The following PRKN variants were observed in gnomAD, a reference collection of about 807,000 sequenced individuals.
PRKN encodes the protein parkin RBR E3 ubiquitin protein ligase.
PRKN carries 56 observed loss-of-function variants against 59.5 expected under a neutral mutation model. The observed-to-expected ratio is 0.94, with a 90% CI of 0.76 to 1.18. The LOEUF (loss-of-function observed/expected upper bound fraction) is 1.18, where lower values mean the gene tolerates loss of function less well. PRKN is among the 50% of genes most tolerant of loss of function. The probability of loss-of-function intolerance (pLI) is 0.00; values close to 1 mark genes in which losing one functional copy is unlikely to be tolerated. For synonymous variants in PRKN, 250 were observed against 222.1 expected, an observed-to-expected ratio of 1.13 and a Z score of -1.12; for missense variants, 657 against 596.4, an observed-to-expected ratio of 1.10 and a Z score of -1.06.
intron 4 of PRKN, among the ~76,000 whole-genome samples, chr6:162,115,334 G>A (rs1201289378): frequency 2.0e-5 from 3 of 150,592 alleles, no homozygotes; most frequent in Non-Finnish European, 4.4e-5. Flanking sequence ...ATCACACTCT[G>A]GGGACTGTTG....
At chr6:161,833,727 A>T (rs560608130) in intron 6 of PRKN, among the ~76,000 whole-genome samples, 2 of 152,102 alleles carry the variant, frequency 1.3e-5, no homozygotes, top group Admixed American at 6.5e-5. Context: ...CTGTATGGAT[A>T]AGTAAGTTGT....
intron 6 of PRKN, among the ~76,000 whole-genome samples, chr6:161,882,355 C>T (rs1001908273): frequency 6.6e-6 from 1 of 152,106 alleles, no homozygotes; most frequent in Non-Finnish European, 1.5e-5. Flanking sequence ...CGGGGGCGTG[C>T]GGTGCAAGAA....
intron 1 of PRKN, among the ~76,000 whole-genome samples, chr6:162,661,018 T>C (rs1365266610): frequency 5.3e-5 from 8 of 151,840 alleles, no homozygotes; most frequent in Non-Finnish European, 1.2e-4. Flanking sequence ...TCCTAGCACT[T>C]TGGGAGGCTG....
intron 1 of PRKN, among the ~76,000 whole-genome samples, chr6:162,655,028 T>G (rs895590649): frequency 2.0e-5 from 3 of 152,228 alleles, no homozygotes; most frequent in Non-Finnish European, 4.4e-5. Context: ...CAATTCTGTA[T>G]GCATAGTTAT....
chr6:161,370,611 A>AAAAAAAAAAAG (rs1554253822), intron 10 of PRKN, among the ~76,000 whole-genome samples: 1,838 of 146,820 alleles, frequency 0.013, 94 homozygotes, highest in African/African-American at 0.047. Flanking sequence ...AAAAAAAAAA[A>AAAAAAAAAAAG]GCCGAATTAG....
rs1414128307 is a variant in PRKN at position 161,468,310 on chromosome 6, C to T, written c.1083+80544G>A. Reference sequence around the variant, plus strand: ...CTTTAAAACAAAAACAAAAAAAAAACAGCCAAACCTAATCTTCAATCTGAA... The same window carrying T: ...CTTTAAAACAAAAACAAAAAAAAAATAGCCAAACCTAATCTTCAATCTGAA... On this transcript the variant is annotated intron_variant, in intron 9 of 11. Transcript: ENST00000366898. The surrounding 1 kb of genome is among the most constrained non-coding windows in gnomAD (Gnocchi z 5.9). Among the ~76,000 whole-genome samples the T allele has an allele frequency of 6.6e-6, 1 of 151,550 alleles. No homozygotes were observed. The highest frequency in any genetic ancestry group is 1.5e-5 in the Non-Finnish European group (1 of 67,948).
intron 9 of PRKN, among the ~76,000 whole-genome samples, chr6:161,411,296 A>G (rs1345090246): frequency 6.6e-6 from 1 of 152,140 alleles, no homozygotes; most frequent in Non-Finnish European, 1.5e-5. Flanking sequence ...GTGGTAGTGA[A>G]TAAGTCTCAC....
intron 3 of PRKN, among the ~76,000 whole-genome samples, chr6:162,253,313 C>CTAATCTAATCTAATG (rs1367223879): frequency 6.6e-6 from 1 of 151,928 alleles, no homozygotes; most frequent in African/African-American, 2.4e-5. Flanking sequence ...CTAATCTAAT[C>CTAATCTAATCTAATG]TAATCTGTTT....
In PRKN at chr6:161,697,134, C is replaced by T. The variant is rs142091788; in HGVS notation, c.871+88638G>A. Among the ~76,000 whole-genome samples, 261 of 152,222 alleles carry T rather than the reference C, an allele frequency of 1.7e-3. 1 individual carries two copies. Among genetic ancestry groups the T allele is most frequent in the African/African-American group, 6.2e-3 (256 of 41,546 alleles). On this transcript the variant is annotated intron_variant, in intron 7 of 11. Coordinates refer to ENST00000366898, the MANE Select transcript of PRKN (RefSeq NM_004562.3). ...GCTCCGTGTGAAGTAGCCTGTTAGT[C>T]CCTTAGCAGCAAAGTATGAGTGGAT...
At chr6:161,907,947 G>A (rs575149965) in intron 6 of PRKN, among the ~76,000 whole-genome samples, 5 of 152,078 alleles carry the variant, frequency 3.3e-5, no homozygotes, top group Admixed American at 2.0e-4. Context: ...GTGTGGGGGC[G>A]GGTGCCTGTA....
chr6:161,703,837 CTCTTTTTTTTTTTTTT>C (rs1583028487), intron 7 of PRKN, among the ~76,000 whole-genome samples: 3 of 104,800 alleles, frequency 2.9e-5, no homozygotes, highest in African/African-American at 9.6e-5. Flanking sequence ...CTCTCTCTCT[CTCTTTTTTTTTTTTTT>C]TTTTTTTTTT....
At chr6:162,443,090 CTT>C (rs1554325586) in intron 2 of PRKN, among the ~76,000 whole-genome samples, 1 of 152,134 alleles carries the variant, frequency 6.6e-6, no homozygotes, top group Non-Finnish European at 1.5e-5. Flanking sequence ...TTCTCTCTCT[CTT>C]TCTCACTCGC....
At chr6:162,477,351 A>T (rs927542482) in intron 1 of PRKN, among the ~76,000 whole-genome samples, 1 of 152,154 alleles carries the variant, frequency 6.6e-6, no homozygotes, top group African/African-American at 2.4e-5. Flanking sequence ...GTCAAAAAAT[A>T]AATTCGCTGA....
intron 9 of PRKN, among the ~76,000 whole-genome samples, chr6:161,450,436 T>TAC (rs533023071): frequency 1.6e-3 from 242 of 152,396 alleles, no homozygotes; most frequent in Admixed American, 2.4e-3. Context: ...CCATTTACCC[T>TAC]ACTTTGCAAT....
intron 5 of PRKN, among the ~76,000 whole-genome samples, chr6:162,044,192 A>G (rs1418649323): frequency 6.6e-6 from 1 of 152,180 alleles, no homozygotes; most frequent in Non-Finnish European, 1.5e-5. Context: ...ACTCCACCAC[A>G]ACCATACTAC....
At chr6:161,693,777 G>A (rs9364608) in intron 7 of PRKN, among the ~76,000 whole-genome samples, 75,285 of 152,010 alleles carry the variant, frequency 0.5, 19,487 homozygotes, top group Non-Finnish European at 0.57. Context: ...CATAATGGGT[G>A]CACAGCTACT....
At chr6:161,726,270 G>A (rs895421582) in intron 7 of PRKN, among the ~76,000 whole-genome samples, 3 of 152,194 alleles carry the variant, frequency 2.0e-5, no homozygotes, top group Non-Finnish European at 4.4e-5. Context: ...TGGAAACTCT[G>A]TTACTGTTAA....
intron 2 of PRKN, among the ~76,000 whole-genome samples, chr6:162,372,824 T>C (rs1029328253): frequency 6.6e-6 from 1 of 152,186 alleles, no homozygotes; most frequent in Non-Finnish European, 1.5e-5. Context: ...CTAAAGCCCG[T>C]GTATCTTTAC....
At chr6:161,703,585 C>G (rs556303770) in intron 7 of PRKN, among the ~76,000 whole-genome samples, 1 of 152,158 alleles carries the variant, frequency 6.6e-6, no homozygotes, top group Non-Finnish European at 1.5e-5. Flanking sequence ...GACAGCCACA[C>G]GATTCCCACC....
Sources: allele counts gnomAD v4.1 joint callset (sites outside exome capture counted in the v4.1 genomes callset), GRCh38; gene constraint gnomAD v4.1.1; non-coding constraint Gnocchi (gnomAD v3.1); transcripts MANE v1.5; gene names NCBI Gene and HGNC (gene_info 2026-07-23, HGNC 2026-07-21).